Variants in CFAP65 observed in about 807,000 individuals in gnomAD.
CFAP65 encodes the protein cilia- and flagella-associated protein 65.
A neutral mutation model predicts 208.0 loss-of-function variants in CFAP65; 155 were observed. That is an observed-to-expected ratio of 0.75 (90% CI 0.65 to 0.85). The LOEUF (loss-of-function observed/expected upper bound fraction) is 0.85, where lower values mean the gene tolerates loss of function less well. Among genes scored for constraint, CFAP65 ranks in the 40% least tolerant of loss-of-function variants. CFAP65 has a pLI of 0.00. For missense variants in CFAP65, 2,294 were observed against 2,451.3 expected (o/e 0.94, Z 1.36); for synonymous variants, 970 against 986.3 (o/e 0.98, Z 0.31).
chr2:219,038,444 G>A lies in CFAP65; in HGVS notation c.288C>T (p.Ser96=), dbSNP rs150023608. The A allele has an allele frequency of 1.1e-5, 17 of 1,613,916 alleles. No homozygotes were observed. The African/African-American group carries it at 2.3e-4, about 22-fold the overall frequency. Reference sequence around the variant, plus strand: ...CGTTGATGGCAGGGATGGCCACTGTGCTGGCACTCAGGCAGGATCCACCAG... The same window carrying A: ...CGTTGATGGCAGGGATGGCCACTGTACTGGCACTCAGGCAGGATCCACCAG... ...VNSGGSCLSA[S]TVAIPAINDS... is the part of the protein sequence containing the mutation. The change falls in exon 4 of 35, where the codon AGC becomes AGT. Residue 96 remains serine (S), a synonymous_variant. Transcript: ENST00000341552.
Position 219,013,383 on chromosome 2 carries a change from T to A in CFAP65, c.3847-14A>T, listed in dbSNP as rs777242856. On this transcript the variant is annotated splice_polypyrimidine_tract_variant and intron_variant, in intron 23 of 34. Transcript: ENST00000341552. ...TATGAAATTTAGCTGGAAATAAAAG[T>A]TCCCCCGGAGGAACTGACACAGCCA... is the stretch of plus-strand genomic sequence containing the variant. 5.6e-6 allele frequency: 9 copies of A among 1,598,804 alleles called. No homozygotes were observed. Among genetic ancestry groups the A allele is most frequent in the East Asian group, 2.2e-5 (1 of 44,708 alleles).
chr2:219,036,368 G>A (rs1948361008), intron 4 of CFAP65, among the ~76,000 whole-genome samples: 2 of 152,086 alleles, frequency 1.3e-5, no homozygotes, highest in South Asian at 4.1e-4. Flanking sequence ...GGGGCAGTAA[G>A]GTGGAGGGAG....
In CFAP65 at chr2:219,030,150, A is replaced by G. The variant is rs887549413; in HGVS notation, c.1220T>C (p.Phe407Ser). 1.2e-6 allele frequency: 2 copies of G among 1,614,134 alleles called. No individual in the cohort carries two copies. Among genetic ancestry groups the G allele is most frequent in the Non-Finnish European group, 1.7e-6 (2 of 1,180,016 alleles). ...GATGCCATGGGCCGTGGGGCATGAG[A>G]AGGCCTGGTCTTCGGCCAGTTCATC... The part of the protein sequence containing the change: ...SPDELAEDQA[F>S]SCPTAHGIVL... Residue 407 changes from phenylalanine to serine, a missense_variant, in exon 10 of 35, where the codon TTC (phenylalanine) becomes TCC (serine). Physicochemically the swap from Phe to Ser is radical, Grantham distance 155. This residue lies in a region of CFAP65 where 867 missense variants were observed against 1,012.6 expected (regional missense o/e 0.86). Transcript: ENST00000341552.
intron 29 of CFAP65, among the ~76,000 whole-genome samples, chr2:219,008,221 A>G (rs1946163161): frequency 6.6e-6 from 1 of 152,228 alleles, no homozygotes; most frequent in Non-Finnish European, 1.5e-5. Flanking sequence ...CCCAGCTTCA[A>G]CAACTAGCAC....
At chr2:219,006,390 G>A (rs1381578326) in intron 30 of CFAP65, 75 bp downstream of exon 30, 6 of 1,565,626 alleles carry the variant, frequency 3.8e-6, no homozygotes, top group East Asian at 2.2e-5. Context: ...TCCAGGGGTT[G>A]GAGGTCTCTC....
rs562154264 is a variant in CFAP65, at chr2:219,030,317, C to T, written c.1162-109G>A. 2.6e-4 allele frequency: 300 copies of T among 1,142,318 alleles called. No individual in the cohort carries two copies. In the African/African-American group the frequency reaches 4.1e-3, roughly 15 times the overall value. 70.8% of individuals were successfully genotyped at this position (1,142,318 alleles called of 1,614,324 possible). A position where few individuals can be genotyped will look rare whatever the true frequency, so the allele number is the denominator to read the frequency against. On this transcript the variant is annotated intron_variant, in intron 9 of 34. Coordinates refer to ENST00000341552, the MANE Select transcript of CFAP65 (RefSeq NM_194302.4). ...TGCCTAGCCAAGGGGGTGGGGGCAGCTGGCATCCAGCCTGTGCCCCACTGG... is the reference window on the plus strand; with the variant it reads ...TGCCTAGCCAAGGGGGTGGGGGCAGTTGGCATCCAGCCTGTGCCCCACTGG...
In CFAP65 at chr2:219,032,671, T is replaced by A; in HGVS notation, c.543-99A>T. ...AGCCCTGCAGCCAAGGGAGCTTGAG[T>A]CCCTGGGACCACAGAGAAAGCGATC... On this transcript the variant is annotated intron_variant, in intron 5 of 34. Coordinates refer to ENST00000341552, the MANE Select transcript of CFAP65 (RefSeq NM_194302.4). This position sits in a 1 kb window ranked among gnomAD's most constrained non-coding sequence, Gnocchi z 5.5. 9.9e-7 allele frequency: 1 copy of A among 1,007,156 alleles called. No individual in the cohort carries two copies. The allele number at this position is 1,007,156 out of a possible 1,614,324, so 62.4% of individuals were successfully genotyped here.
chr2:219,039,391 A>G (rs1948549381), intron 2 of CFAP65, among the ~76,000 whole-genome samples: 1 of 152,212 alleles, frequency 6.6e-6, no homozygotes, highest in African/African-American at 2.4e-5. Flanking sequence ...ACAAAAGGAC[A>G]GCAATTTTCA....
intron 31 of CFAP65, 106 bp from the exon 32 acceptor site, chr2:219,005,668 T>C (rs905424404): frequency 3.3e-5 from 46 of 1,375,678 alleles, no homozygotes; most frequent in Non-Finnish European, 4.5e-5. Context: ...CAGATGAGTT[T>C]GAGGCACTCC....
At chr2:219,035,164 T>G in intron 5 of CFAP65, 1 of 642,510 alleles carries the variant, frequency 1.6e-6, no homozygotes, top group Middle Eastern at 3.7e-4. Flanking sequence ...TACCTGGTAT[T>G]CCCCAGAAAA....
In CFAP65 at chr2:219,010,669, C is replaced by T. The variant is rs778237584; in HGVS notation, c.4185G>A (p.Ser1395=). 10 of 1,610,212 alleles carry T rather than the reference C, an allele frequency of 6.2e-6. No individual in the cohort carries two copies. The highest frequency in any genetic ancestry group is 1.3e-5 in the African/African-American group (1 of 74,800). ...CCACTCCCTGGAAGTGGATGAGGGC[C>T]GAGTTCCATCCCAGGATGTGTATGG... The part of the protein sequence containing the change: ...DVPIHILGWN[S]ALIHFQGVGY... Residue 1395 remains serine (S), a synonymous_variant, in exon 26 of 35, where the codon TCG becomes TCA. Transcript: ENST00000341552.
intron 5 of CFAP65, chr2:219,034,910 G>C (rs1948256581): frequency 6.3e-6 from 1 of 158,896 alleles, no homozygotes; most frequent in African/African-American, 2.4e-5. Flanking sequence ...TAATGCTGCT[G>C]GTGGGTGTCT....
rs183428818 is a variant in CFAP65 at position 219,029,428 on chromosome 2, C to T, written c.1625G>A (p.Arg542His). The change falls in exon 11 of 35, where the codon CGT (arginine) becomes CAT (histidine). Residue 542 changes from arginine (R) to histidine (H), a missense_variant. By Grantham distance (29) the Arg-to-His change is conservative. This residue lies in a region of CFAP65 where 867 missense variants were observed against 1,012.6 expected (regional missense o/e 0.86). Transcript: ENST00000341552. The stretch of plus-strand genomic sequence containing the variant: ...CTGGTGGTGGATGAGACAGGCCACA[C>T]GCCGAAAGCAGATGATGGGGTGAGT... Reference protein sequence around the residue: ...QPTHPIICFRRVACLIHHQDP... With the variant: ...QPTHPIICFRHVACLIHHQDP... The T allele has an allele frequency of 3.8e-5, 61 of 1,613,892 alleles. No homozygotes were observed. The highest frequency in any genetic ancestry group is 8.0e-5 in the African/African-American group (6 of 75,042).
In CFAP65 at chr2:219,003,092, C is replaced by T. The variant is rs1433903523; in HGVS notation, c.5693+43G>A. The T allele has an allele frequency of 6.5e-7, 1 of 1,545,160 alleles. No homozygotes were observed. Among genetic ancestry groups the T allele is most frequent in the Non-Finnish European group, 8.7e-7 (1 of 1,142,956 alleles). On this transcript the variant is annotated intron_variant, in intron 34 of 34. Transcript: ENST00000341552. The surrounding 1 kb of genome is among the most constrained non-coding windows in gnomAD (Gnocchi z 4.4). The stretch of plus-strand genomic sequence containing the variant: ...GCAGAGCCTGGCTGCCCCCGTGGCC[C>T]CTCTCGCGCGGTCTGCGCGGCCGCT...
Position 219,010,586 on chromosome 2 carries a change from T to A in CFAP65, c.4268A>T (p.Asp1423Val). The A allele has an allele frequency of 3.1e-6, 5 of 1,611,680 alleles. No individual in the cohort carries two copies. The highest frequency in any genetic ancestry group is 4.2e-6 in the Non-Finnish European group (5 of 1,179,680). ...CAGCCTAGAGTGTATGGAACTGTTG[T>A]CCCACGAGGAGATGTTGTGGAATGG... ...TAPFHNISSWDNSSIHSRLVV... is the reference protein window; with the variant it reads ...TAPFHNISSWVNSSIHSRLVV... Residue 1423 changes from aspartate (D) to valine (V), a missense_variant, in exon 26 of 35, where the codon GAC (aspartate) becomes GTC (valine). Transcript: ENST00000341552.
intron 32 of CFAP65, among the ~76,000 whole-genome samples, chr2:219,005,009 CTCTTT>C (rs1469711095): frequency 5.1e-5 from 7 of 137,828 alleles, no homozygotes; most frequent in South Asian, 2.3e-4. Flanking sequence ...TTCTTTCTTT[CTCTTT>C]TCTTTTCTTT....
At chr2:219,009,202 C>T (rs567104597) in intron 28 of CFAP65, 48 bp from the exon 29 acceptor site, 47 of 1,566,544 alleles carry the variant, frequency 3.0e-5, no homozygotes, top group African/African-American at 8.1e-5. Context: ...GGAGCTTGCC[C>T]GGGGCCTATG....
Position 219,004,519 on chromosome 2 carries a change from G to C in CFAP65, c.5052-64C>G, listed in dbSNP as rs1945798403. 10 of 1,523,706 alleles carry C rather than the reference G, an allele frequency of 6.6e-6. No individual in the cohort carries two copies. Among genetic ancestry groups the C allele is most frequent in the Non-Finnish European group, 8.8e-6 (10 of 1,137,108 alleles). The allele number at this position is 1,523,706 out of a possible 1,614,324, so 94.4% of individuals were successfully genotyped here. On this transcript the variant is annotated intron_variant, in intron 32 of 34. Coordinates refer to ENST00000341552, the MANE Select transcript of CFAP65 (RefSeq NM_194302.4). This position sits in a 1 kb window ranked among gnomAD's most constrained non-coding sequence, Gnocchi z 4.7. ...GCCCTGAAGCCCCTGGGGAGCCCTG[G>C]CTTCAGAGCTAGGTTCTAGGTGGGA...
At position 219,031,245 on chromosome 2, in the gene CFAP65, C is replaced by G. The variant is rs573522770; in HGVS notation, c.876G>C (p.Thr292=). The part of the protein sequence containing the change: ...FSSPFQMLPA[T]GLLEPGQASQ... ...AGGCCTGGCCTGGCTCCAGGAGCCC[C>G]GTGGCGGGCAGCATCTGGAATGGGC... The change falls in exon 8 of 35, where the codon ACG becomes ACC. Residue 292 remains threonine (T), a synonymous_variant. Transcript: ENST00000341552. This position sits in a 1 kb window ranked among gnomAD's most constrained non-coding sequence, Gnocchi z 5.2. The G allele has an allele frequency of 3.7e-6, 6 of 1,613,802 alleles. No individual in the cohort carries two copies. The highest frequency in any genetic ancestry group is 5.1e-6 in the Non-Finnish European group (6 of 1,179,930).
Sources: gnomAD v4.1 joint callset for allele counts (sites outside exome capture counted in the v4.1 genomes callset) on GRCh38, gnomAD v4.1.1 for gene constraint, gnomAD v4.1.1 regional missense constraint, Gnocchi (gnomAD v3.1) non-coding constraint, MANE v1.5 for transcripts, NCBI Gene and HGNC (gene_info 2026-07-23, HGNC 2026-07-21) for gene names.